RARS2: variants seen among roughly 807,000 people sequenced by gnomAD.
RARS2 encodes probable arginine--tRNA ligase, mitochondrial.
RARS2 carries 67 observed loss-of-function variants against 88.5 expected under a neutral mutation model. The observed-to-expected ratio is 0.76, with a 90% CI of 0.62 to 0.93. The LOEUF is 0.93. RARS2 is among the 40% of genes least tolerant of loss of function. The pLI is 0.00. For synonymous variants in RARS2, 239 were observed against 230.3 expected, an observed-to-expected ratio of 1.04 and a Z score of -0.34; for missense variants, 664 against 684.2, an observed-to-expected ratio of 0.97 and a Z score of 0.33.
chr6:87,525,435 T>A (rs1428996782), intron 10 of RARS2, among the ~76,000 whole-genome samples: 1 of 152,114 alleles, frequency 6.6e-6, no homozygotes, highest in Non-Finnish European at 1.5e-5. Flanking sequence ...AAACTCTGAA[T>A]ATGATCTTAT....
At chr6:87,546,443 G>A (rs1782656582) in intron 6 of RARS2, among the ~76,000 whole-genome samples, 1 of 152,146 alleles carries the variant, frequency 6.6e-6, no homozygotes, top group Non-Finnish European at 1.5e-5. Flanking sequence ...ACCATGAACA[G>A]AGGTCCTAGT....
intron 4 of RARS2, among the ~76,000 whole-genome samples, chr6:87,558,691 T>C (rs1786801526): frequency 6.6e-6 from 1 of 152,200 alleles, no homozygotes; most frequent in South Asian, 2.1e-4. Context: ...AACACTGATG[T>C]AAACAAACCT....
chr6:87,575,271 AC>A, intron 1 of RARS2, among the ~76,000 whole-genome samples: 1 of 139,458 alleles, frequency 7.2e-6, no homozygotes, highest in East Asian at 2.0e-4. Context: ...ACACACACAC[AC>A]ACACACCTTG....
chr6:87,528,407 T>A (rs1436345865), intron 10 of RARS2, among the ~76,000 whole-genome samples: 1 of 152,134 alleles, frequency 6.6e-6, no homozygotes, highest in African/African-American at 2.4e-5. Context: ...CAAACTCACA[T>A]CTGGGTATAC....
intron 1 of RARS2, among the ~76,000 whole-genome samples, chr6:87,580,420 A>C (rs1054076790): frequency 6.6e-6 from 1 of 152,058 alleles, no homozygotes; most frequent in Non-Finnish European, 1.5e-5. Flanking sequence ...AATTAGGCAC[A>C]GTCCTTGAGA....
chr6:87,577,012 C>A (rs1771782523), intron 1 of RARS2, among the ~76,000 whole-genome samples: 1 of 152,094 alleles, frequency 6.6e-6, no homozygotes, highest in Non-Finnish European at 1.5e-5. Context: ...TGTGTTTCAC[C>A]TGCTCAGTTG....
chr6:87,536,575 T>G lies in RARS2; in HGVS notation c.612+5343A>C, dbSNP rs1443625014. Among the ~76,000 whole-genome samples, 6 of 149,834 alleles carry G rather than the reference T, an allele frequency of 4.0e-5. No homozygotes were observed. The East Asian group carries it at 1.2e-3, about 29-fold the overall frequency. ...TCATTTGAACCCGGGAGGCAGAGGT[T>G]GCAGTGAGCTGAGATCACGCCACTG... On this transcript the variant is annotated intron_variant, in intron 8 of 19. Coordinates refer to ENST00000369536, the MANE Select transcript of RARS2 (RefSeq NM_020320.5).
At chr6:87,583,700 T>C (rs1038272588) in intron 1 of RARS2, among the ~76,000 whole-genome samples, 7 of 152,106 alleles carry the variant, frequency 4.6e-5, no homozygotes, top group African/African-American at 1.7e-4. Flanking sequence ...GCCAGACACG[T>C]ACTGGCCATT....
At chr6:87,583,483 G>A (rs1284820162) in intron 1 of RARS2, among the ~76,000 whole-genome samples, 1 of 152,052 alleles carries the variant, frequency 6.6e-6, no homozygotes, top group Admixed American at 6.6e-5. Context: ...CAGCTACCTG[G>A]GAGGCTGAGG....
rs1237155881 is a variant in RARS2 at position 87,562,705 on chromosome 6, T to G, written c.294A>C (p.Thr98=). The part of the protein sequence containing the change: ...VNFKINRELL[T]KTVLQQVIED... Reference sequence around the variant, plus strand: ...CTGGATATTAACTTATTCTTACCTTTGTTAAGAGCTCTCTGTTTATTTTGA... The same window carrying G: ...CTGGATATTAACTTATTCTTACCTTGGTTAAGAGCTCTCTGTTTATTTTGA... The change falls in exon 4 of 20, where the codon ACA becomes ACC. Residue 98 remains threonine, a synonymous_variant. Transcript: ENST00000369536. 1 of 1,601,694 alleles carries G rather than the reference T, an allele frequency of 6.2e-7. No homozygotes were observed. The highest frequency in any genetic ancestry group is 8.6e-7 in the Non-Finnish European group (1 of 1,168,702).
rs201150141 is a variant in RARS2, at chr6:87,589,959, T to G, written c.-2A>C. On this transcript the variant is annotated 5_prime_UTR_variant, in exon 1 of 20. Coordinates refer to ENST00000369536, the MANE Select transcript of RARS2 (RefSeq NM_020320.5). Reference sequence around the variant, plus strand: ...AGCGCGGCGAAAGCCGCACGCCATGTCCACCTCTACGGAAGTGCGCCGCAG... The same window carrying G: ...AGCGCGGCGAAAGCCGCACGCCATGGCCACCTCTACGGAAGTGCGCCGCAG... The G allele has an allele frequency of 3.7e-6, 6 of 1,614,208 alleles. No individual in the cohort carries two copies. Among genetic ancestry groups the G allele is most frequent in the South Asian group, 1.1e-5 (1 of 91,086 alleles).
intron 18 of RARS2, among the ~76,000 whole-genome samples, chr6:87,516,166 G>A (rs957681116): frequency 7.5e-6 from 1 of 133,548 alleles, no homozygotes; most frequent in African/African-American, 3.1e-5. Context: ...AGATACAGCT[G>A]CTGCTGCTAT....
At chr6:87,553,177 AAG>A (rs1393616236) in intron 5 of RARS2, among the ~76,000 whole-genome samples, 1 of 152,134 alleles carries the variant, frequency 6.6e-6, no homozygotes, top group African/African-American at 2.4e-5. Context: ...TACCTTTGTA[AAG>A]AGGTCTTGCT....
intron 2 of RARS2, 48 bp from the exon 3 acceptor site, chr6:87,564,280 T>C: frequency 7.4e-7 from 1 of 1,354,566 alleles, no homozygotes; most frequent in Non-Finnish European, 1.1e-6. Context: ...TTAAAAGCAT[T>C]AGTTGTTAAA....
Position 87,535,731 on chromosome 6 carries a change from C to T in RARS2, c.613-4789G>A, listed in dbSNP as rs561132921. Among the ~76,000 whole-genome samples, 917 of 141,856 alleles carry T rather than the reference C, an allele frequency of 6.5e-3. 4 individuals carry two copies. Among genetic ancestry groups the T allele is most frequent in the Non-Finnish European group, 9.2e-3 (612 of 66,666 alleles). The allele number at this position is 141,856 out of a possible 152,430, so 93.1% of individuals were successfully genotyped here. On this transcript the variant is annotated intron_variant, in intron 8 of 19. Transcript: ENST00000369536. Reference sequence around the variant, plus strand: ...TCGCTCTGTTGCCCAGGCTGGAGTGCAGTGGTGTGATCTCAGCTCACTGCA... The same window carrying T: ...TCGCTCTGTTGCCCAGGCTGGAGTGTAGTGGTGTGATCTCAGCTCACTGCA...
chr6:87,546,420 G>GTT (rs200724435), intron 6 of RARS2, among the ~76,000 whole-genome samples: 1 of 152,120 alleles, frequency 6.6e-6, no homozygotes, highest in Non-Finnish European at 1.5e-5. Flanking sequence ...TGGGGGCTGT[G>GTT]TTTTTTTGTG....
chr6:87,534,827 G>C (rs772514361), intron 8 of RARS2, among the ~76,000 whole-genome samples: 5 of 152,184 alleles, frequency 3.3e-5, no homozygotes, highest in Non-Finnish European at 5.9e-5. Context: ...AATGGTTCAC[G>C]GTGTGTCTAC....
At chr6:87,588,818 C>G (rs764118258) in intron 1 of RARS2, among the ~76,000 whole-genome samples, 2 of 152,214 alleles carry the variant, frequency 1.3e-5, no homozygotes, top group Non-Finnish European at 2.9e-5. Context: ...CTCCTACCCT[C>G]TCCCTCTGAA....
At chr6:87,564,984 G>A (rs1286157163) in intron 2 of RARS2, among the ~76,000 whole-genome samples, 1 of 152,110 alleles carries the variant, frequency 6.6e-6, no homozygotes, top group African/African-American at 2.4e-5. Context: ...CTTGAACCCA[G>A]GAGGCAGAGG....
Sources: gnomAD v4.1 joint callset for allele counts (sites outside exome capture counted in the v4.1 genomes callset) on GRCh38, gnomAD v4.1.1 for gene constraint, MANE v1.5 for transcripts, NCBI Gene and HGNC (gene_info 2026-07-23, HGNC 2026-07-21) for gene names.